Variants in ADD2 observed in about 807,000 individuals in gnomAD.
ADD2 encodes the protein beta-adducin.
Under a neutral mutation model 83.0 loss-of-function variants are expected in ADD2, and 23 were observed. The ratio of observed to expected loss-of-function variants is 0.28; its 90% confidence interval spans 0.20 to 0.39. ADD2 has a LOEUF of 0.39. Among genes scored for constraint, ADD2 ranks in the 10% least tolerant of loss-of-function variants. The pLI is 1.00. For missense variants in ADD2, 758 were observed against 944.9 expected (o/e 0.80, Z 2.59); for synonymous variants, 375 against 375.4 (o/e 1.00, Z 0.01).
intron 4 of ADD2, 28 bp downstream of exon 4, chr2:70,704,293 T>A: frequency 1.4e-6 from 1 of 692,192 alleles, no homozygotes; most frequent in Non-Finnish European, 2.2e-6. Flanking sequence ...CCACCTCTGC[T>A]CCTGGCAGCT....
At chr2:70,672,785 A>G in intron 15 of ADD2, 93 bp downstream of exon 15, 1 of 1,404,528 alleles carries the variant, frequency 7.1e-7, no homozygotes, top group Non-Finnish European at 9.5e-7. Context: ...AAAGATTTTC[A>G]GATTAGGGGC....
Position 70,657,450 on chromosome 2 carries a change from TG to T in ADD2, c.*5974del. The T allele has an allele frequency of 6.6e-6, 1 of 152,314 alleles. No individual in the cohort carries two copies. The highest frequency in any genetic ancestry group is 6.5e-5 in the Admixed American group (1 of 15,302). 9.4% of individuals were successfully genotyped at this position (152,314 alleles called of 1,614,324 possible). On this transcript the variant is annotated 3_prime_UTR_variant, in exon 16 of 16. Transcript: ENST00000264436. ...CCGGAGAGAGCAAACACTAAGATGT[TG>T]GTTGCAGCATAAATTGCAGGAATTT...
intron 8 of ADD2, among the ~76,000 whole-genome samples, chr2:70,689,112 C>T (rs141708211): frequency 1.8e-4 from 27 of 151,864 alleles, no homozygotes; most frequent in Admixed American, 7.9e-4. Context: ...AAACCAAAAA[C>T]GGAAAGTCTC....
chr2:70,666,416 C>T (rs1675803921), intron 15 of ADD2, among the ~76,000 whole-genome samples: 1 of 152,206 alleles, frequency 6.6e-6, no homozygotes. Context: ...TGTACCTATG[C>T]CCTGGTCTTC....
At chr2:70,704,263 T>TGCCCCCCCCCCCCCCCCCCCCCCCCACC in intron 4 of ADD2, 58 bp downstream of exon 4, 1 of 913,238 alleles carries the variant, frequency 1.1e-6, no homozygotes, top group Non-Finnish European at 1.7e-6. Context: ...CTCCCTCTCT[T>TGCCCCCCCCCCCCCCCCCCCCCCCCACC]CCCCACCCCA....
intron 5 of ADD2, 130 bp from the exon 6 acceptor site, chr2:70,695,931 C>T (rs1671283397): frequency 3.9e-6 from 3 of 776,016 alleles, no homozygotes; most frequent in South Asian, 1.7e-5. Context: ...CTTATCTCTC[C>T]CCCCCAGCCA....
intron 9 of ADD2, 111 bp downstream of exon 9, chr2:70,687,913 T>C (rs2270042): frequency 0.26 from 191,926 of 729,222 alleles, 26,537 homozygotes; most frequent in East Asian, 0.39. Flanking sequence ...GGCTTTTAGA[T>C]GGCTGGGATC....
In ADD2 at chr2:70,677,631, C is replaced by A; in HGVS notation, c.1503+127G>T. On this transcript the variant is annotated intron_variant, in intron 12 of 15. Coordinates refer to ENST00000264436, the MANE Select transcript of ADD2 (RefSeq NM_001617.4). Reference sequence around the variant, plus strand: ...GGCCATGGTCAGTCAATGGTAGTTTCTCTCTCCTGTGAGGCATGTGAGATG... The same window carrying A: ...GGCCATGGTCAGTCAATGGTAGTTTATCTCTCCTGTGAGGCATGTGAGATG... 5 of 1,261,006 alleles carry A rather than the reference C, an allele frequency of 4.0e-6. No homozygotes were observed. The South Asian group carries it at 6.9e-5, about 18-fold the overall frequency. 78.1% of individuals were successfully genotyped at this position (1,261,006 alleles called of 1,614,324 possible). A position where few individuals can be genotyped will look rare whatever the true frequency, so the allele number is the denominator to read the frequency against.
At chr2:70,672,074 T>C (rs1669918319) in intron 15 of ADD2, among the ~76,000 whole-genome samples, 3 of 152,236 alleles carry the variant, frequency 2.0e-5, no homozygotes, top group Admixed American at 2.0e-4. Context: ...GTCCTGCTTT[T>C]ACTCTTTCAA....
At chr2:70,759,854 G>C (rs1483849179) in intron 1 of ADD2, among the ~76,000 whole-genome samples, 1 of 152,134 alleles carries the variant, frequency 6.6e-6, no homozygotes, top group Non-Finnish European at 1.5e-5. Flanking sequence ...TGCCACTCAA[G>C]GTGGCAGTGC....
intron 15 of ADD2, among the ~76,000 whole-genome samples, chr2:70,669,730 G>A (rs1302772074): frequency 6.6e-6 from 1 of 152,234 alleles, no homozygotes. Context: ...AAAGACTTAA[G>A]AAGGCCTAGC....
At chr2:70,704,275 C>A (rs781990668) in intron 4 of ADD2, 46 bp downstream of exon 4, 10 of 1,410,224 alleles carry the variant, frequency 7.1e-6, no homozygotes, top group South Asian at 4.1e-5. Flanking sequence ...CCCACCCCAC[C>A]CTCCCCTCCA....
At chr2:70,711,585 T>TA (rs1192066567) in intron 2 of ADD2, among the ~76,000 whole-genome samples, 2 of 151,988 alleles carry the variant, frequency 1.3e-5, no homozygotes, top group Non-Finnish European at 2.9e-5. Flanking sequence ...CCTTGATTTT[T>TA]AAAAAAAACT....
chr2:70,715,089 T>C (rs782003379), intron 1 of ADD2, among the ~76,000 whole-genome samples: 4 of 152,100 alleles, frequency 2.6e-5, no homozygotes, highest in East Asian at 1.9e-4. Flanking sequence ...TTTGAGGCAA[T>C]TGTATTAGCT....
At chr2:70,724,994 C>T (rs1553377977) in intron 1 of ADD2, among the ~76,000 whole-genome samples, 1 of 152,186 alleles carries the variant, frequency 6.6e-6, no homozygotes, top group African/African-American at 2.4e-5. Context: ...CCTTTTAAAC[C>T]CTTCATAATT....
At chr2:70,705,433 C>A (rs941151988) in intron 3 of ADD2, among the ~76,000 whole-genome samples, 6 of 152,148 alleles carry the variant, frequency 3.9e-5, no homozygotes, top group Non-Finnish European at 8.8e-5. Flanking sequence ...CCCATCCTGG[C>A]AAGCAATTGG....
intron 13 of ADD2, chr2:70,675,213 A>G: frequency 9.9e-7 from 1 of 1,011,752 alleles, no homozygotes; most frequent in Non-Finnish European, 1.2e-6. Context: ...CATTGGCTCA[A>G]GCAAGCTTCA....
chr2:70,677,840 C>A lies in ADD2; in HGVS notation c.1421G>T (p.Gly474Val), dbSNP rs782384294. ...TGGGTTTTCGATGCGAATCGGCATG[C>A]CACTGCTGGATTTCTCCACCTCGTC... is the stretch of plus-strand genomic sequence containing the variant. Reference protein sequence around the residue: ...KADEVEKSSSGMPIRIENPNQ... With the variant: ...KADEVEKSSSVMPIRIENPNQ... Residue 474 changes from glycine (G) to valine (V), a missense_variant, in exon 12 of 16, where the codon GGC (glycine) becomes GTC (valine). Gly to Val is a moderately radical substitution (Grantham distance 109, BLOSUM62 -3). This residue lies in a region of ADD2 where 394 missense variants were observed against 509.3 expected (regional missense o/e 0.77). Transcript: ENST00000264436. The A allele has an allele frequency of 2.5e-6, 4 of 1,614,204 alleles. No homozygotes were observed. The highest frequency in any genetic ancestry group is 3.4e-6 in the Non-Finnish European group (4 of 1,180,046).
intron 1 of ADD2, among the ~76,000 whole-genome samples, chr2:70,738,680 G>A (rs1673714348): frequency 6.6e-6 from 1 of 152,200 alleles, no homozygotes; most frequent in African/African-American, 2.4e-5. Flanking sequence ...GGATTCCAAT[G>A]CTGTATTGCA....
Sources: allele counts gnomAD v4.1 joint callset (sites outside exome capture counted in the v4.1 genomes callset), GRCh38; gene constraint gnomAD v4.1.1; regional missense constraint gnomAD v4.1.1; transcripts MANE v1.5; gene names NCBI Gene and HGNC (gene_info 2026-07-23, HGNC 2026-07-21).